PRKCH: variants seen among roughly 807,000 people sequenced by gnomAD.
PRKCH encodes the protein protein kinase C eta, also known as protein kinase C eta type.
Under a neutral mutation model 82.5 loss-of-function variants are expected in PRKCH, and 28 were observed. The observed-to-expected ratio is 0.34, with a 90% CI of 0.25 to 0.47. PRKCH has a LOEUF of 0.47. Ranked by LOEUF, PRKCH falls within the 20% of genes least tolerant of loss-of-function variation. PRKCH has a pLI of 1.00. For synonymous variants in PRKCH, 322 were observed against 327.4 expected (o/e 0.98, Z 0.18); for missense variants, 705 against 881.8 (o/e 0.80, Z 2.54).
At chr14:61,523,909 G>A (rs1594784350) in intron 10 of PRKCH, among the ~76,000 whole-genome samples, 1 of 152,224 alleles carries the variant, frequency 6.6e-6, no homozygotes, top group Admixed American at 6.5e-5. Flanking sequence ...AGGGAGGGAG[G>A]GAGTCGATGT....
chr14:61,450,561 C>G (rs1046312228), intron 5 of PRKCH, among the ~76,000 whole-genome samples: 1 of 152,054 alleles, frequency 6.6e-6, no homozygotes, highest in African/African-American at 2.4e-5. Flanking sequence ...AGAAATATGG[C>G]CTGAATATGA....
intron 1 of PRKCH, chr14:61,278,790 A>G (rs2045226532): frequency 6.6e-6 from 1 of 152,236 alleles, no homozygotes; most frequent in Non-Finnish European, 1.5e-5. Flanking sequence ...GAATGATTTT[A>G]GTTGAGTGTA....
chr14:61,250,964 T>G (rs987222097), intron 1 of PRKCH, among the ~76,000 whole-genome samples: 9 of 152,216 alleles, frequency 5.9e-5, no homozygotes, highest in African/African-American at 2.2e-4. Flanking sequence ...TGAAAGTGGA[T>G]CTTTTAAACA....
At chr14:61,229,455 G>A (rs907904920) in intron 1 of PRKCH, among the ~76,000 whole-genome samples, 3 of 152,124 alleles carry the variant, frequency 2.0e-5, no homozygotes, top group African/African-American at 7.2e-5. Context: ...GTTCACCTGA[G>A]GCACCTGAAT....
chr14:61,207,500 C>T (rs567652008), intron 1 of PRKCH, among the ~76,000 whole-genome samples: 1 of 152,260 alleles, frequency 6.6e-6, no homozygotes, highest in African/African-American at 2.4e-5. Flanking sequence ...TCCCTAGGCC[C>T]AGGTTCTTAG....
intron 1 of PRKCH, among the ~76,000 whole-genome samples, chr14:61,328,579 T>C (rs1490825946): frequency 6.6e-6 from 1 of 152,124 alleles, no homozygotes; most frequent in Non-Finnish European, 1.5e-5. Context: ...CTAGTAAGTG[T>C]TAAGAATGGT....
intron 10 of PRKCH, among the ~76,000 whole-genome samples, chr14:61,505,823 A>G (rs1044913254): frequency 6.6e-6 from 1 of 152,142 alleles, no homozygotes; most frequent in African/African-American, 2.4e-5. Context: ...CATTCAGTCT[A>G]TAGCAGTATT....
chr14:61,335,692 T>G (rs905883781), intron 1 of PRKCH, among the ~76,000 whole-genome samples: 2 of 152,256 alleles, frequency 1.3e-5, no homozygotes, highest in Non-Finnish European at 2.9e-5. Context: ...TAATTTTGCC[T>G]ATTTTGAATA....
intron 1 of PRKCH, among the ~76,000 whole-genome samples, chr14:61,352,689 G>GAAAGAAAGAAAGAAA (rs1486410316): frequency 1.7e-4 from 22 of 126,540 alleles, no homozygotes; most frequent in Admixed American, 4.2e-4. Context: ...AGAAAGGAAA[G>GAAAGAAAGAAAGAAA]GAAAGAAAGA....
chr14:61,215,200 T>C (rs1265949894), intron 1 of PRKCH, among the ~76,000 whole-genome samples: 1 of 152,034 alleles, frequency 6.6e-6, no homozygotes, highest in Non-Finnish European at 1.5e-5. Context: ...TGTGAAGGTC[T>C]TTTTTTTAGA....
chr14:61,510,489 G>T (rs1055970538), intron 10 of PRKCH, among the ~76,000 whole-genome samples: 3 of 152,046 alleles, frequency 2.0e-5, no homozygotes, highest in African/African-American at 7.3e-5. Flanking sequence ...CAAGGAGTAG[G>T]CGTTAAAGAT....
intron 2 of PRKCH, among the ~76,000 whole-genome samples, chr14:61,406,323 G>C (rs1205395081): frequency 1.3e-5 from 2 of 152,172 alleles, no homozygotes; most frequent in African/African-American, 4.8e-5. Flanking sequence ...CAGTTTTTGC[G>C]TTGTTAGGGG....
At chr14:61,262,266 C>T (rs1435395659) in intron 1 of PRKCH, among the ~76,000 whole-genome samples, 3 of 146,816 alleles carry the variant, frequency 2.0e-5, no homozygotes, top group African/African-American at 7.6e-5. Flanking sequence ...ATAATAGCTC[C>T]AAACTGGAAA....
intron 1 of PRKCH, among the ~76,000 whole-genome samples, chr14:61,265,631 C>T (rs1352515214): frequency 6.6e-6 from 1 of 152,232 alleles, no homozygotes; most frequent in East Asian, 1.9e-4. Flanking sequence ...CACCCCTCTG[C>T]CACTAAGAGC....
chr14:61,401,606 G>C (rs1046889358), intron 2 of PRKCH, among the ~76,000 whole-genome samples: 2 of 152,152 alleles, frequency 1.3e-5, no homozygotes, highest in Admixed American at 1.3e-4. Flanking sequence ...AAACTATAAA[G>C]TCATCATTGT....
chr14:61,368,885 T>G (rs974874988), intron 1 of PRKCH, among the ~76,000 whole-genome samples: 14 of 152,116 alleles, frequency 9.2e-5, no homozygotes, highest in African/African-American at 3.4e-4. Flanking sequence ...TTAAAGGATG[T>G]TCATTCATGC....
At chr14:61,404,345 AT>A (rs1211058463) in intron 2 of PRKCH, among the ~76,000 whole-genome samples, 1 of 152,170 alleles carries the variant, frequency 6.6e-6, no homozygotes, top group Non-Finnish European at 1.5e-5. Context: ...TTCTCATAGG[AT>A]TTTGGAGAAA....
intron 1 of PRKCH, among the ~76,000 whole-genome samples, chr14:61,388,092 G>A (rs1430806049): frequency 6.7e-6 from 1 of 149,196 alleles, no homozygotes; most frequent in Non-Finnish European, 1.5e-5. Context: ...AGATTGCAGT[G>A]AGCCGAGATG....
chr14:61,443,256 T>A lies in PRKCH; in HGVS notation c.573T>A (p.Phe191Leu). ...CCTACTGCTCTCACTGCAGGGAGTT[T>A]ATCTGGTAAGGGGTTCCCTTACTTC... The part of the protein sequence containing the change: ...QPTYCSHCRE[F>L]IWGVFGKQGY... The change falls in exon 3 of 14, where the codon TTT becomes TTA. Residue 191 changes from phenylalanine to leucine, a missense_variant. Around this residue, in one of 5 missense-constraint regions of PRKCH, gnomAD observed 246 missense variants for 308.0 expected, o/e 0.80. Coordinates refer to ENST00000332981, the MANE Select transcript of PRKCH (RefSeq NM_006255.5). The A allele has an allele frequency of 6.2e-7, 1 of 1,613,804 alleles. No individual in the cohort carries two copies. The highest frequency in any genetic ancestry group is 1.3e-5 in the African/African-American group (1 of 75,034).
Sources: allele counts gnomAD v4.1 joint callset (sites outside exome capture counted in the v4.1 genomes callset), GRCh38; gene constraint gnomAD v4.1.1; regional missense constraint gnomAD v4.1.1; transcripts MANE v1.5; gene names NCBI Gene and HGNC (gene_info 2026-07-23, HGNC 2026-07-21).